ATP8A1: variants seen among roughly 807,000 people sequenced by gnomAD.
ATP8A1 encodes ATPase phospholipid transporting 8A1, also known as phospholipid-transporting ATPase IA.
In ATP8A1, 90 loss-of-function variants were observed where a neutral mutation model predicts 177.7. That is an observed-to-expected ratio of 0.51 (90% CI 0.43 to 0.60). The LOEUF (loss-of-function observed/expected upper bound fraction) is 0.60, where lower values mean the gene tolerates loss of function less well. Among genes scored for constraint, ATP8A1 ranks in the 20% least tolerant of loss-of-function variants. The probability of loss-of-function intolerance (pLI) is 0.00; values close to 1 mark genes in which losing one functional copy is unlikely to be tolerated. For missense variants in ATP8A1, 1,072 were observed against 1,392.8 expected (o/e 0.77, Z 3.67); for synonymous variants, 493 against 485.9 (o/e 1.01, Z -0.19).
In ATP8A1 at chr4:42,537,436, GAAAT is replaced by G. The variant is rs754306500; in HGVS notation, c.1722+6477_1722+6480del. On this transcript the variant is annotated intron_variant, in intron 20 of 36. Coordinates refer to ENST00000381668, the MANE Select transcript of ATP8A1 (RefSeq NM_006095.2). Reference sequence around the variant, plus strand: ...AGCCAGAGCAATCAGATAAGAGAAAGAAATAAAGGGAATCCAAACTGATAAACAG... The same window carrying G: ...AGCCAGAGCAATCAGATAAGAGAAAGAAAGGGAATCCAAACTGATAAACAG... Among the ~76,000 whole-genome samples the G allele has an allele frequency of 1.5e-4, 23 of 151,850 alleles. No individual in the cohort carries two copies. In the East Asian group the frequency reaches 3.7e-3, roughly 24 times the overall value.
intron 14 of ATP8A1, among the ~76,000 whole-genome samples, chr4:42,570,976 A>C (rs1459035288): frequency 6.6e-6 from 1 of 152,188 alleles, no homozygotes; most frequent in Non-Finnish European, 1.5e-5. Context: ...ATTAGACTAT[A>C]CACTTTAGGC....
chr4:42,639,539 A>G (rs543306592), intron 1 of ATP8A1, among the ~76,000 whole-genome samples: 1 of 152,344 alleles, frequency 6.6e-6, no homozygotes, highest in South Asian at 2.1e-4. Context: ...GAAGAACTAA[A>G]CCAAAAGACA....
At chr4:42,574,797 G>T (rs1732270517) in intron 13 of ATP8A1, 90 bp from the exon 14 acceptor site, 3 of 806,682 alleles carry the variant, frequency 3.7e-6, no homozygotes, top group South Asian at 1.8e-5. Context: ...TATTAACATT[G>T]CAGGGGCACA....
chr4:42,611,385 T>A (rs911801924), intron 5 of ATP8A1, among the ~76,000 whole-genome samples: 2 of 152,186 alleles, frequency 1.3e-5, no homozygotes, highest in Admixed American at 1.3e-4. Context: ...CATAATAAAA[T>A]AGGGTACGAT....
intron 24 of ATP8A1, among the ~76,000 whole-genome samples, chr4:42,498,346 G>A (rs550284929): frequency 7.2e-5 from 11 of 152,234 alleles, no homozygotes; most frequent in Middle Eastern, 6.8e-3. Flanking sequence ...CAGCCTTTAT[G>A]TCCTGAATGT....
At chr4:42,557,224 T>G (rs1303506036) in intron 15 of ATP8A1, among the ~76,000 whole-genome samples, 1 of 152,188 alleles carries the variant, frequency 6.6e-6, no homozygotes, top group African/African-American at 2.4e-5. Flanking sequence ...CAAAATACCC[T>G]TGGGGGCCAA....
In ATP8A1 at chr4:42,644,498, C is replaced by T. The variant is rs569246391; in HGVS notation, c.49+12327G>A. ...ATTTCCATCTGCAAAGTACAAATCA[C>T]ATTATCACCTAATAAAAGGAAAGTC... On this transcript the variant is annotated intron_variant, in intron 1 of 36. Coordinates refer to ENST00000381668, the MANE Select transcript of ATP8A1 (RefSeq NM_006095.2). Among the ~76,000 whole-genome samples the T allele has an allele frequency of 2.4e-4, 37 of 152,262 alleles. No individual in the cohort carries two copies. In the Middle Eastern group the frequency reaches 0.01, roughly 42 times the overall value.
intron 30 of ATP8A1, 92 bp from the exon 31 acceptor site, chr4:42,446,736 A>G (rs570869303): frequency 8.4e-7 from 1 of 1,185,762 alleles, no homozygotes; most frequent in East Asian, 2.4e-5. Flanking sequence ...GAAGGAAGGG[A>G]AATCAAGGGA....
chr4:42,529,750 C>T (rs1033153461), intron 20 of ATP8A1, among the ~76,000 whole-genome samples: 1 of 152,182 alleles, frequency 6.6e-6, no homozygotes, highest in Non-Finnish European at 1.5e-5. Flanking sequence ...ACGACAGCCC[C>T]TTTCTAGGAC....
chr4:42,571,645 A>G (rs1731919549), intron 14 of ATP8A1, among the ~76,000 whole-genome samples: 1 of 152,312 alleles, frequency 6.6e-6, no homozygotes, highest in East Asian at 1.9e-4. Flanking sequence ...TTTAATAACT[A>G]ATGTTTACAG....
chr4:42,558,062 A>G (rs888062035), intron 15 of ATP8A1, among the ~76,000 whole-genome samples: 28 of 151,846 alleles, frequency 1.8e-4, no homozygotes, highest in Non-Finnish European at 3.7e-4. Flanking sequence ...AAACAAAAAC[A>G]AAAAAACCAG....
chr4:42,595,618 A>G (rs988255960), intron 6 of ATP8A1, among the ~76,000 whole-genome samples: 9 of 152,328 alleles, frequency 5.9e-5, no homozygotes, highest in African/African-American at 1.7e-4. Flanking sequence ...TACTGTGATT[A>G]CACTCACTGA....
In ATP8A1 at chr4:42,628,797, C is replaced by T. The variant is rs143170217; in HGVS notation, c.50-1688G>A. Among the ~76,000 whole-genome samples, 6 of 152,260 alleles carry T rather than the reference C, an allele frequency of 3.9e-5. No individual in the cohort carries two copies. The East Asian group carries it at 1.2e-3, about 29-fold the overall frequency. On this transcript the variant is annotated intron_variant, in intron 1 of 36. Transcript: ENST00000381668. ...CATGAAGACCAGAGTGTGCTGTTCC[C>T]CGCCTCTGGATTAGAGAGAGAGCCT...
At chr4:42,526,359 G>T (rs1726671531) in intron 20 of ATP8A1, among the ~76,000 whole-genome samples, 1 of 152,202 alleles carries the variant, frequency 6.6e-6, no homozygotes, top group African/African-American at 2.4e-5. Flanking sequence ...AATACTGAGT[G>T]TCAACTTGAT....
Position 42,625,972 on chromosome 4 carries a change from T to C in ATP8A1, c.165-259A>G, listed in dbSNP as rs146731913. 471 of 240,160 alleles carry C rather than the reference T, an allele frequency of 2.0e-3. 3 individuals are homozygous for C. In the Middle Eastern group the frequency reaches 0.021, roughly 11 times the overall value. The allele number at this position is 240,160 out of a possible 1,614,324, so 14.9% of individuals were successfully genotyped here. A position where few individuals can be genotyped will look rare whatever the true frequency, so the allele number is the denominator to read the frequency against. ...TTTGGCCAATTATTCTGCTTAACAT[T>C]ACTAGAAGTAGCTTACAAAGAAGAG... On this transcript the variant is annotated intron_variant, in intron 2 of 36. Transcript: ENST00000381668.
At chr4:42,605,440 T>C (rs13152628) in intron 5 of ATP8A1, among the ~76,000 whole-genome samples, 27,113 of 150,878 alleles carry the variant, frequency 0.18, 2,589 homozygotes, top group East Asian at 0.22. Flanking sequence ...ATGTAAAAAA[T>C]AGCCCTGATC....
At chr4:42,617,246 C>A (rs1278426884) in intron 4 of ATP8A1, among the ~76,000 whole-genome samples, 2 of 152,190 alleles carry the variant, frequency 1.3e-5, no homozygotes, top group African/African-American at 2.4e-5. Context: ...TGGAAACAAT[C>A]AGCTACTGAA....
chr4:42,494,073 T>G (rs1040656972), intron 24 of ATP8A1, among the ~76,000 whole-genome samples: 1 of 143,672 alleles, frequency 7.0e-6, no homozygotes, highest in African/African-American at 2.6e-5. Context: ...TGGTGGCACA[T>G]GTCTGTAATC....
chr4:42,599,553 A>T (rs1343344539), intron 6 of ATP8A1, among the ~76,000 whole-genome samples: 1 of 152,208 alleles, frequency 6.6e-6, no homozygotes, highest in Non-Finnish European at 1.5e-5. Flanking sequence ...ACTGATTGAA[A>T]ATCAACAGAA....
Sources: allele counts gnomAD v4.1 joint callset (sites outside exome capture counted in the v4.1 genomes callset), GRCh38; gene constraint gnomAD v4.1.1; transcripts MANE v1.5; gene names NCBI Gene and HGNC (gene_info 2026-07-23, HGNC 2026-07-21).